The following UNC13B variants were observed in gnomAD, a reference collection of about 807,000 sequenced individuals.
UNC13B encodes the protein protein unc-13 homolog B.
UNC13B carries 144 observed loss-of-function variants against 211.0 expected under a neutral mutation model. The observed-to-expected ratio is 0.68, with a 90% CI of 0.60 to 0.78. The LOEUF (loss-of-function observed/expected upper bound fraction) is 0.78, where lower values mean the gene tolerates loss of function less well. Ranked by LOEUF, UNC13B falls within the 30% of genes least tolerant of loss-of-function variation. The pLI, the probability that UNC13B is intolerant of heterozygous loss-of-function variation, is 0.00. For missense variants in UNC13B, 1,777 were observed against 2,002.0 expected, an observed-to-expected ratio of 0.89 and a Z score of 2.14; for synonymous variants, 709 against 725.8, an observed-to-expected ratio of 0.98 and a Z score of 0.37.
In UNC13B at chr9:35,302,204, C is replaced by T. The variant is rs1427696453; in HGVS notation, c.2800C>T (p.Pro934Ser). Residue 934 changes from proline (P) to serine (S), a missense_variant, in exon 9 of 40, where the codon CCA becomes TCA. Transcript: ENST00000635942. ...KHSSIKSSSVPNIHSDLGKFD... is the reference protein window; with the variant it reads ...KHSSIKSSSVSNIHSDLGKFD... ...TAGTTCAATAAAATCTAGTTCTGTTCCAAATATTCATAGTGATCTAGGAAA... is the reference window on the plus strand; with the variant it reads ...TAGTTCAATAAAATCTAGTTCTGTTTCAAATATTCATAGTGATCTAGGAAA... The T allele has an allele frequency of 1.0e-5, 4 of 398,570 alleles. No homozygotes were observed. Among genetic ancestry groups the T allele is most frequent in the Non-Finnish European group, 1.8e-5 (4 of 225,764 alleles). The allele number at this position is 398,570 out of a possible 1,614,324, so 24.7% of individuals were successfully genotyped here. A position where few individuals can be genotyped will look rare whatever the true frequency, so the allele number is the denominator to read the frequency against.
chr9:35,260,036 T>TCCA (rs1827171496), intron 7 of UNC13B, among the ~76,000 whole-genome samples: 1 of 922 alleles, frequency 1.1e-3, no homozygotes, highest in Admixed American at 0.021. Context: ...ACCTCATTTC[T>TCCA]ACAAAAAAAA....
chr9:35,187,107 T>C (rs1206990041), intron 1 of UNC13B, among the ~76,000 whole-genome samples: 2 of 152,250 alleles, frequency 1.3e-5, no homozygotes, highest in East Asian at 3.8e-4. Flanking sequence ...CTATAGGTCT[T>C]ACTGCAAATA....
At chr9:35,195,905 A>G (rs1261500890) in intron 1 of UNC13B, among the ~76,000 whole-genome samples, 1 of 152,252 alleles carries the variant, frequency 6.6e-6, no homozygotes, top group Non-Finnish European at 1.5e-5. Context: ...CTTTATGTCC[A>G]AATATTTGAC....
chr9:35,304,797 C>A lies in UNC13B; in HGVS notation c.5393C>A (p.Ser1798Ter). The A allele has an allele frequency of 2.5e-6, 1 of 398,754 alleles. No individual in the cohort carries two copies. The highest frequency in any genetic ancestry group is 1.3e-4 in the South Asian group (1 of 7,816). 24.7% of individuals were successfully genotyped at this position (398,754 alleles called of 1,614,324 possible). Residue 1798 changes from serine (S) to a stop codon, truncating the protein, a stop_gained, in exon 9 of 40, where the codon TCA (serine) becomes TAA (stop). Coordinates refer to ENST00000635942, the MANE Select transcript of UNC13B (RefSeq NM_001371189.2). LOFTEE classifies it high-confidence loss of function. ...LAELTNDGFQ[S>*]LIMSKQLEGN... Reference sequence around the variant, plus strand: ...GAGCTCACAAATGATGGCTTTCAGTCATTAATCATGAGTAAGCAATTAGAG... The same window carrying A: ...GAGCTCACAAATGATGGCTTTCAGTAATTAATCATGAGTAAGCAATTAGAG...
At chr9:35,200,400 G>C (rs1823211833) in intron 1 of UNC13B, among the ~76,000 whole-genome samples, 1 of 152,114 alleles carries the variant, frequency 6.6e-6, no homozygotes, top group Non-Finnish European at 1.5e-5. Context: ...GATGGGGATG[G>C]CATTGAATCT....
intron 11 of UNC13B, chr9:35,352,509 A>T: frequency 8.1e-7 from 1 of 1,232,076 alleles, no homozygotes; most frequent in Non-Finnish European, 1.0e-6. Flanking sequence ...CAACATCAGG[A>T]TTATAGTCAG....
At position 35,328,913 on chromosome 9, in the gene UNC13B, G is replaced by A. The variant is rs148562570; in HGVS notation, c.9414+14924G>A. 1.5e-3 allele frequency among the ~76,000 whole-genome samples: 221 copies of A among 151,428 alleles called. 2 individuals carry two copies. The East Asian group carries it at 0.038, about 26-fold the overall frequency. ...CTCCCGAGTAGCTGGGACTACAGGCGCCTGCCACCATGCCTGGCTAATTTT... is the reference window on the plus strand; with the variant it reads ...CTCCCGAGTAGCTGGGACTACAGGCACCTGCCACCATGCCTGGCTAATTTT... On this transcript the variant is annotated intron_variant, in intron 11 of 39. Coordinates refer to ENST00000635942, the MANE Select transcript of UNC13B (RefSeq NM_001371189.2).
At chr9:35,201,698 T>C (rs1406049940) in intron 1 of UNC13B, among the ~76,000 whole-genome samples, 3 of 152,252 alleles carry the variant, frequency 2.0e-5, no homozygotes, top group Non-Finnish European at 4.4e-5. Flanking sequence ...TTATCATTTT[T>C]TACTGCGTCT....
At position 35,307,621 on chromosome 9, in the gene UNC13B, T is replaced by C. The variant is rs1192622156; in HGVS notation, c.8217T>C (p.Ser2739=). Residue 2739 remains serine, a synonymous_variant, in exon 9 of 40, where the codon AGT becomes AGC. Transcript: ENST00000635942. The part of the protein sequence containing the change: ...LEDPVLAARE[S]CEIIHAQKDP... ...ACCCTGTGCTTGCTGCCAGAGAAAG[T>C]TGTGAGATAATTCATGCCCAGAAAG... 7.5e-6 allele frequency: 3 copies of C among 398,932 alleles called. No individual in the cohort carries two copies. In the Admixed American group the frequency reaches 1.3e-4, roughly 18 times the overall value. The allele number at this position is 398,932 out of a possible 1,614,324, so 24.7% of individuals were successfully genotyped here.
intron 1 of UNC13B, among the ~76,000 whole-genome samples, chr9:35,221,803 G>A (rs1824579516): frequency 6.6e-6 from 1 of 152,046 alleles, no homozygotes; most frequent in African/African-American, 2.4e-5. Flanking sequence ...TTCTATTCCT[G>A]ACTCATTTCA....
rs1431864663 is a variant in UNC13B at position 35,183,415 on chromosome 9, A to C, written c.22+21110A>C. On this transcript the variant is annotated intron_variant, in intron 1 of 39. Transcript: ENST00000635942. ...GGGGCGGCCGGGCAGAGGCTCCCCC[A>C]ACCTCCCAGATGAAGGGCGGCCGGG... Among the ~76,000 whole-genome samples, 19 of 32,070 alleles carry C rather than the reference A, an allele frequency of 5.9e-4. No individual in the cohort carries two copies. In the South Asian group the frequency reaches 8.5e-3, roughly 14 times the overall value. 21.0% of individuals were successfully genotyped at this position (32,070 alleles called of 152,430 possible).
chr9:35,372,106 C>T (rs540821913), intron 13 of UNC13B, among the ~76,000 whole-genome samples: 1 of 152,240 alleles, frequency 6.6e-6, no homozygotes, highest in South Asian at 2.1e-4. Context: ...ACTGTTTCTA[C>T]TAAAAATACA....
At chr9:35,208,408 C>T (rs1326835018) in intron 1 of UNC13B, among the ~76,000 whole-genome samples, 1 of 152,126 alleles carries the variant, frequency 6.6e-6, no homozygotes, top group Non-Finnish European at 1.5e-5. Context: ...TAGACTATTA[C>T]TCTGTATTAG....
intron 1 of UNC13B, 116 bp downstream of exon 1, chr9:35,162,421 G>A: frequency 7.5e-7 from 1 of 1,324,716 alleles, no homozygotes; most frequent in African/African-American, 1.5e-5. Context: ...CGTGCTTTGG[G>A]GGTCTATTAT....
chr9:35,392,512 G>A (rs1835596641), intron 26 of UNC13B, among the ~76,000 whole-genome samples: 1 of 152,004 alleles, frequency 6.6e-6, no homozygotes, highest in Admixed American at 6.6e-5. Flanking sequence ...AGTTTTGGGG[G>A]CCTGGATGAT....
intron 7 of UNC13B, among the ~76,000 whole-genome samples, chr9:35,286,211 TTTGGAAGC>T (rs1828783837): frequency 6.6e-6 from 1 of 151,660 alleles, no homozygotes; most frequent in Non-Finnish European, 1.5e-5. Flanking sequence ...CCAAGCCATG[TTTGGAAGC>T]TTGGAACTTT....
At chr9:35,232,175 TGC>T (rs1212235642) in intron 3 of UNC13B, among the ~76,000 whole-genome samples, 5 of 126,440 alleles carry the variant, frequency 4.0e-5, no homozygotes, top group African/African-American at 5.9e-5. Context: ...GGTATATTGC[TGC>T]TTTTTTTTTT....
intron 1 of UNC13B, among the ~76,000 whole-genome samples, chr9:35,171,127 A>G (rs1211892047): frequency 6.6e-6 from 1 of 150,704 alleles, no homozygotes; most frequent in Non-Finnish European, 1.5e-5. Flanking sequence ...TTTGAGATGG[A>G]GTCTCATTCT....
At position 35,202,868 on chromosome 9, in the gene UNC13B, C is replaced by G. The variant is rs192831337; in HGVS notation, c.23-25147C>G. ...AGTGCAGTGGCGTGATCTCAGCTCA[C>G]TGCAAGCTCTGCCTCCCAGGTTCAC... is the stretch of plus-strand genomic sequence containing the variant. On this transcript the variant is annotated intron_variant, in intron 1 of 39. Transcript: ENST00000635942. 5.3e-5 allele frequency among the ~76,000 whole-genome samples: 8 copies of G among 151,682 alleles called. No homozygotes were observed. The East Asian group carries it at 1.4e-3, about 26-fold the overall frequency.
Sources: gnomAD v4.1 joint callset for allele counts (sites outside exome capture counted in the v4.1 genomes callset) on GRCh38, gnomAD v4.1.1 for gene constraint, MANE v1.5 for transcripts, NCBI Gene and HGNC (gene_info 2026-07-23, HGNC 2026-07-21) for gene names.